Variants in NTHL1 observed in about 807,000 individuals in gnomAD.
NTHL1 encodes endonuclease III-like protein 1.
NTHL1 carries 32 observed loss-of-function variants against 32.3 expected under a neutral mutation model. The ratio of observed to expected loss-of-function variants is 0.99; its 90% confidence interval spans 0.75 to 1.33. The LOEUF (loss-of-function observed/expected upper bound fraction) is 1.33. Among genes scored for constraint, NTHL1 ranks in the 40% most tolerant of loss-of-function variants. The pLI is 0.00. For missense variants in NTHL1, 501 were observed against 414.1 expected (o/e 1.21, Z -1.82); for synonymous variants, 188 against 176.9 (o/e 1.06, Z -0.50).
chr16:2,043,632 G>A lies in NTHL1; in HGVS notation c.620C>T (p.Pro207Leu), dbSNP rs755619109. Residue 207 changes from proline (P) to leucine (L), a missense_variant, in exon 4 of 6, where the codon CCG becomes CTG. Pro to Leu is a moderately conservative substitution (Grantham distance 98). Transcript: ENST00000651570. The surrounding 1 kb of genome is among the most constrained non-coding windows in gnomAD (Gnocchi z 4.4). ...GTGTGCCATCTTGGGCCCAACACCC[G>A]GCAGCGCCACCAGCTCGGCCACAGA... ...PASVAELVALPGVGPKMAHLA... is the reference protein window; with the variant it reads ...PASVAELVALLGVGPKMAHLA... 116 of 1,611,068 alleles carry A rather than the reference G, an allele frequency of 7.2e-5. 1 individual carries two copies. The East Asian group carries it at 2.1e-3, about 29-fold the overall frequency.
In NTHL1 at chr16:2,044,499, G is replaced by A. The variant is rs2233520; in HGVS notation, c.525+131C>T. 1,471 of 1,189,810 alleles carry A rather than the reference G, an allele frequency of 1.2e-3. 21 individuals carry two copies. The African/African-American group carries it at 0.02, about 16-fold the overall frequency. 73.7% of individuals were successfully genotyped at this position (1,189,810 alleles called of 1,614,324 possible). A position where few individuals can be genotyped will look rare whatever the true frequency, so the allele number is the denominator to read the frequency against. ...CCTCAGGGCCCCACGGCCTGGGGGG[G>A]GCTTCAGGGGGACCCCCCGAGCCTG... On this transcript the variant is annotated intron_variant, in intron 3 of 5. Transcript: ENST00000651570. The surrounding 1 kb of genome is among the most constrained non-coding windows in gnomAD (Gnocchi z 5.0).
intron 2 of NTHL1, 106 bp downstream of exon 2, chr16:2,046,022 G>A: frequency 3.5e-6 from 3 of 856,640 alleles, no homozygotes; most frequent in Non-Finnish European, 5.7e-6. Context: ...ATCCTCCCAA[G>A]GTGCTGTCTG....
chr16:2,039,988 G>A lies in NTHL1; in HGVS notation c.851C>T (p.Pro284Leu), dbSNP rs1396773363. The change falls in exon 6 of 6, where the codon CCT becomes CTT. Residue 284 changes from proline to leucine, a missense_variant. Pro to Leu is a moderately conservative substitution (Grantham distance 98, BLOSUM62 -3). Coordinates refer to ENST00000651570, the MANE Select transcript of NTHL1 (RefSeq NM_002528.7). ...LVGFGQQTCL[P>L]VHPRCHACLN... is the part of the protein sequence containing the mutation. ...GCAGGCGTGGCAGCGAGGGTGCACAGGCAGACAGGTCTGCTGGCCGAAGCC... is the reference window on the plus strand; with the variant it reads ...GCAGGCGTGGCAGCGAGGGTGCACAAGCAGACAGGTCTGCTGGCCGAAGCC... 1 of 1,610,466 alleles carries A rather than the reference G, an allele frequency of 6.2e-7. No individual in the cohort carries two copies. The highest frequency in any genetic ancestry group is 8.5e-7 in the Non-Finnish European group (1 of 1,179,994).
Position 2,043,697 on chromosome 16 carries a change from G to A in NTHL1, c.555C>T (p.Ser185=), listed in dbSNP as rs756943656. ...CACCGTAGTGCTGCTGCAGGATGGCGCTGGTCTGCTTGATGTATTTCACCT... is the reference window on the plus strand; with the variant it reads ...CACCGTAGTGCTGCTGCAGGATGGCACTGGTCTGCTTGATGTATTTCACCT... ...RSKVKYIKQT[S]AILQQHYGGD... Residue 185 remains serine, a synonymous_variant, in exon 4 of 6, where the codon AGC becomes AGT. Coordinates refer to ENST00000651570, the MANE Select transcript of NTHL1 (RefSeq NM_002528.7). This position sits in a 1 kb window ranked among gnomAD's most constrained non-coding sequence, Gnocchi z 4.4. 14 of 1,612,076 alleles carry A rather than the reference G, an allele frequency of 8.7e-6. No individual in the cohort carries two copies. Among genetic ancestry groups the A allele is most frequent in the Non-Finnish European group, 1.2e-5 (14 of 1,179,958 alleles).
At chr16:2,041,954 C>T (rs368000943) in intron 4 of NTHL1, 45 of 442,398 alleles carry the variant, frequency 1.0e-4, no homozygotes, top group African/African-American at 7.7e-4. Context: ...GGTTTCACCA[C>T]GTTGGCCAGG....
In NTHL1 at chr16:2,047,781, G is replaced by A. The variant is rs931865828; in HGVS notation, c.43C>T (p.Leu15=). Residue 15 remains leucine (L), a synonymous_variant, in exon 1 of 6, where the codon CTG becomes TTG. Coordinates refer to ENST00000651570, the MANE Select transcript of NTHL1 (RefSeq NM_002528.7). ...SARMLTRSRS[L]GPGAGPRGCR... The stretch of plus-strand genomic sequence containing the variant: ...CCCCGCGGCCCAGCCCCGGGTCCCA[G>A]GCTCCGGCTCCGGGTCAGCATCCTC... The A allele has an allele frequency of 3.1e-6, 5 of 1,588,618 alleles. No individual in the cohort carries two copies. Among genetic ancestry groups the A allele is most frequent in the Non-Finnish European group, 4.3e-6 (5 of 1,172,788 alleles).
intron 2 of NTHL1, among the ~76,000 whole-genome samples, chr16:2,045,290 T>C (rs1596221042): frequency 6.6e-6 from 1 of 151,926 alleles, no homozygotes; most frequent in East Asian, 2.0e-4. Flanking sequence ...TGAGCTAAGA[T>C]TTCACCACTG....
chr16:2,042,734 A>T (rs529649599), intron 4 of NTHL1, among the ~76,000 whole-genome samples: 113 of 152,036 alleles, frequency 7.4e-4, no homozygotes, highest in Middle Eastern at 3.4e-3. Flanking sequence ...AAGAGACACC[A>T]GGACCTGGGA....
In NTHL1 at chr16:2,044,513, C is replaced by T; in HGVS notation, c.525+117G>A. The T allele has an allele frequency of 7.2e-7, 1 of 1,383,832 alleles. No individual in the cohort carries two copies. Among genetic ancestry groups the T allele is most frequent in the Non-Finnish European group, 1.0e-6 (1 of 994,396 alleles). The allele number at this position is 1,383,832 out of a possible 1,614,324, so 85.7% of individuals were successfully genotyped here. ...GGCCTGGGGGGGGCTTCAGGGGGAC[C>T]CCCCGAGCCTGAGATGCTTGACCCT... is the stretch of plus-strand genomic sequence containing the variant. On this transcript the variant is annotated intron_variant, in intron 3 of 5. Transcript: ENST00000651570. The surrounding 1 kb of genome is among the most constrained non-coding windows in gnomAD (Gnocchi z 5.0).
chr16:2,042,355 G>A (rs1158404868), intron 4 of NTHL1, among the ~76,000 whole-genome samples: 1 of 152,228 alleles, frequency 6.6e-6, no homozygotes, highest in Non-Finnish European at 1.5e-5. Flanking sequence ...GGGAGTCTCA[G>A]TCGGGAGGAG....
At position 2,040,969 on chromosome 16, in the gene NTHL1, C is replaced by G. The variant is rs565039135; in HGVS notation, c.686-731G>C. ...GGACACAGCGGGAGCATGCCCTGGC[C>G]GGCCGCAGCTGCTGTCCACCTGGGT... is the stretch of plus-strand genomic sequence containing the variant. On this transcript the variant is annotated intron_variant, in intron 4 of 5. Transcript: ENST00000651570. Among the ~76,000 whole-genome samples the G allele has an allele frequency of 1.3e-4, 20 of 152,324 alleles. No individual in the cohort carries two copies. In the South Asian group the frequency reaches 3.9e-3, roughly 30 times the overall value.
rs536140679 is a variant in NTHL1 at position 2,044,800 on chromosome 16, C to A, written c.355G>T (p.Val119Leu). 5.2e-5 allele frequency: 83 copies of A among 1,600,572 alleles called. No homozygotes were observed. In the South Asian group the frequency reaches 8.9e-4, roughly 17 times the overall value. Residue 119 changes from valine to leucine, a missense_variant and splice_region_variant, in exon 3 of 6, where the codon GTA (valine) becomes TTA (leucine). Transcript: ENST00000651570. This position sits in a 1 kb window ranked among gnomAD's most constrained non-coding sequence, Gnocchi z 5.0. ...GACAGCAGCACCTGGTACCTGCGTA[C>A]CTGCTTGTGCAGTGACAGGGACCGG... ...HCYDSSAPPK[V>L]RRYQVLLSLM... is the part of the protein sequence containing the mutation.
At chr16:2,045,540 G>A (rs146971279) in intron 2 of NTHL1, among the ~76,000 whole-genome samples, 29 of 152,162 alleles carry the variant, frequency 1.9e-4, no homozygotes, top group African/African-American at 6.7e-4. Context: ...GGGTTCAAGC[G>A]ATTTTCCTGC....
intron 4 of NTHL1, chr16:2,040,490 G>A (rs1596216815): frequency 1.7e-6 from 1 of 578,880 alleles, no homozygotes; most frequent in Non-Finnish European, 3.1e-6. Context: ...CTCTGTTCTG[G>A]GCTGCCCACT....
Position 2,044,618 on chromosome 16 carries a change from G to T in NTHL1, c.525+12C>A. 1.2e-6 allele frequency: 2 copies of T among 1,601,292 alleles called. No homozygotes were observed. Among genetic ancestry groups the T allele is most frequent in the Non-Finnish European group, 1.7e-6 (2 of 1,179,862 alleles). On this transcript the variant is annotated intron_variant, in intron 3 of 5. Transcript: ENST00000651570. This position sits in a 1 kb window ranked among gnomAD's most constrained non-coding sequence, Gnocchi z 5.0. Reference sequence around the variant, plus strand: ...CTGCCACCCGGCCCCCGTTGCCACAGGCAGGGCTCACCCTCCAGAAACCGA... The same window carrying T: ...CTGCCACCCGGCCCCCGTTGCCACATGCAGGGCTCACCCTCCAGAAACCGA...
At chr16:2,040,323 C>CGGGGGTGGTGGCAGACT in intron 4 of NTHL1, 85 bp from the exon 5 acceptor site, 1 of 1,255,764 alleles carries the variant, frequency 8.0e-7, no homozygotes. Context: ...GAGTCTGCCA[C>CGGGGGTGGTGGCAGACT]CACCCCCGTG....
Position 2,043,240 on chromosome 16 carries a change from A to G in NTHL1, c.685+327T>C, listed in dbSNP as rs548028965. Among the ~76,000 whole-genome samples, 8 of 151,876 alleles carry G rather than the reference A, an allele frequency of 5.3e-5. No homozygotes were observed. In the South Asian group the frequency reaches 1.7e-3, roughly 32 times the overall value. ...GGCCCTGGGCCCAAGCCAGGCCCCA[A>G]GAGCACCCTGCACAACCATCAGGGT... is the stretch of plus-strand genomic sequence containing the variant. On this transcript the variant is annotated intron_variant, in intron 4 of 5. Transcript: ENST00000651570. This position sits in a 1 kb window ranked among gnomAD's most constrained non-coding sequence, Gnocchi z 4.4.
Position 2,047,819 on chromosome 16 carries a change from G to C in NTHL1, c.5C>G (p.Thr2Ser), listed in dbSNP as rs1305523200. The change falls in exon 1 of 6, where the codon ACC becomes AGC. Residue 2 changes from threonine (T) to serine (S), a missense_variant. Coordinates refer to ENST00000651570, the MANE Select transcript of NTHL1 (RefSeq NM_002528.7). M[T>S]ALSARMLTRS... ...GGTCAGCATCCTCGCGCTCAAGGCG[G>C]TCATGCCGGACTCCTGCGGACTACA... 2 of 1,594,128 alleles carry C rather than the reference G, an allele frequency of 1.3e-6. No homozygotes were observed. The highest frequency in any genetic ancestry group is 1.7e-6 in the Non-Finnish European group (2 of 1,175,552).
rs1156299739 is a variant in NTHL1 at position 2,047,764 on chromosome 16, C to A, written c.60G>T (p.Gly20=). ...CGGGCTCCTCCCTACACCCCCGCGG[C>A]CCAGCCCCGGGTCCCAGGCTCCGGC... is the stretch of plus-strand genomic sequence containing the variant. The part of the protein sequence containing the change: ...TRSRSLGPGA[G]PRGCREEPGP... Residue 20 remains glycine (G), a synonymous_variant, in exon 1 of 6, where the codon GGG becomes GGT. Coordinates refer to ENST00000651570, the MANE Select transcript of NTHL1 (RefSeq NM_002528.7). 2 of 1,587,000 alleles carry A rather than the reference C, an allele frequency of 1.3e-6. No individual in the cohort carries two copies. Among genetic ancestry groups the A allele is most frequent in the Non-Finnish European group, 1.7e-6 (2 of 1,172,256 alleles).
Sources: allele counts gnomAD v4.1 joint callset (sites outside exome capture counted in the v4.1 genomes callset), GRCh38; gene constraint gnomAD v4.1.1; non-coding constraint Gnocchi (gnomAD v3.1); transcripts MANE v1.5; gene names NCBI Gene and HGNC (gene_info 2026-07-23, HGNC 2026-07-21).